Variants in CDH13 observed in about 807,000 individuals in gnomAD.
CDH13 encodes cadherin 13.
A neutral mutation model predicts 63.8 loss-of-function variants in CDH13; 24 were observed. The ratio of observed to expected loss-of-function variants is 0.38; its 90% confidence interval spans 0.27 to 0.53. The LOEUF is 0.53. CDH13 is among the 20% of genes least tolerant of loss of function. The pLI, the probability that CDH13 is intolerant of heterozygous loss-of-function variation, is 0.85. For missense variants in CDH13, 1,049 were observed against 903.1 expected (o/e 1.16, Z -2.07); for synonymous variants, 503 against 355.3 (o/e 1.42, Z -4.67).
rs948753014 is a variant in CDH13 at position 82,676,492 on chromosome 16, T to G, written c.45+49355T>G. Among the ~76,000 whole-genome samples, 21 of 148,564 alleles carry G rather than the reference T, an allele frequency of 1.4e-4. No individual in the cohort carries two copies. In the East Asian group the frequency reaches 4.1e-3, roughly 29 times the overall value. On this transcript the variant is annotated intron_variant, in intron 1 of 13. Transcript: ENST00000567109. ...ATCTGAGCTACCATCATTTCTTTTTTTTTTTTTTTTTTTTTGCCTTGAATA... is the reference window on the plus strand; with the variant it reads ...ATCTGAGCTACCATCATTTCTTTTTGTTTTTTTTTTTTTTTGCCTTGAATA...
At chr16:83,271,204 C>T (rs1277568565) in intron 5 of CDH13, among the ~76,000 whole-genome samples, 1 of 151,758 alleles carries the variant, frequency 6.6e-6, no homozygotes, top group Non-Finnish European at 1.5e-5. Context: ...TCAAAGAAAA[C>T]AGTACAACTG....
chr16:82,765,572 C>T (rs914005821), intron 1 of CDH13, among the ~76,000 whole-genome samples: 9 of 152,046 alleles, frequency 5.9e-5, no homozygotes, highest in South Asian at 2.1e-4. Context: ...ACATTGTGCA[C>T]GGGTATTTAT....
intron 5 of CDH13, among the ~76,000 whole-genome samples, chr16:83,332,365 A>G (rs1346289374): frequency 6.6e-6 from 1 of 152,122 alleles, no homozygotes; most frequent in Non-Finnish European, 1.5e-5. Flanking sequence ...TCATTAGACT[A>G]TACTTTAAAT....
chr16:83,783,505 C>T (rs752050920), intron 13 of CDH13, 33 bp downstream of exon 13: 13 of 1,540,592 alleles, frequency 8.4e-6, no homozygotes, highest in Non-Finnish European at 1.1e-5. Flanking sequence ...CATGCACAAA[C>T]AGGAAATTGT....
chr16:83,175,155 T>C (rs1385709833), intron 4 of CDH13, among the ~76,000 whole-genome samples: 3 of 152,092 alleles, frequency 2.0e-5, no homozygotes, highest in Non-Finnish European at 4.4e-5. Flanking sequence ...TAGAAAGCTC[T>C]CTTGGACAGC....
intron 2 of CDH13, among the ~76,000 whole-genome samples, chr16:82,996,344 C>G (rs576362210): frequency 6.6e-6 from 1 of 152,300 alleles, no homozygotes; most frequent in Admixed American, 6.5e-5. Context: ...TGGAACAACA[C>G]TGAGCTTTAT....
intron 3 of CDH13, among the ~76,000 whole-genome samples, chr16:83,039,852 G>T (rs1244729015): frequency 1.3e-5 from 2 of 152,022 alleles, no homozygotes; most frequent in African/African-American, 4.8e-5. Flanking sequence ...TCCTTCCACT[G>T]AGGTTCCACC....
chr16:83,440,958 T>C (rs1444091169), intron 6 of CDH13, among the ~76,000 whole-genome samples: 1 of 152,118 alleles, frequency 6.6e-6, no homozygotes, highest in East Asian at 1.9e-4. Context: ...CCTCCAACAA[T>C]GTCCCAAATC....
chr16:82,836,769 C>T (rs2038786761), intron 1 of CDH13, among the ~76,000 whole-genome samples: 1 of 151,974 alleles, frequency 6.6e-6, no homozygotes, highest in African/African-American at 2.4e-5. Flanking sequence ...CATACTTCTT[C>T]ATGGCAAGAT....
At chr16:82,998,722 G>A (rs1912525745) in intron 2 of CDH13, among the ~76,000 whole-genome samples, 1 of 152,100 alleles carries the variant, frequency 6.6e-6, no homozygotes, top group Non-Finnish European at 1.5e-5. Flanking sequence ...GATTTAGTAT[G>A]TTCCATATCC....
At chr16:83,587,897 C>T (rs1195523102) in intron 7 of CDH13, among the ~76,000 whole-genome samples, 1 of 152,050 alleles carries the variant, frequency 6.6e-6, no homozygotes, top group African/African-American at 2.4e-5. Context: ...TGGAGCCAGC[C>T]CCCAGCTGGC....
At chr16:82,665,617 A>T (rs370790240) in intron 1 of CDH13, among the ~76,000 whole-genome samples, 56 of 152,114 alleles carry the variant, frequency 3.7e-4, no homozygotes, top group African/African-American at 1.3e-3. Context: ...AGGCGGCTGC[A>T]TGCCTACCTC....
intron 3 of CDH13, among the ~76,000 whole-genome samples, chr16:83,061,665 A>G (rs1286372466): frequency 6.6e-6 from 1 of 152,222 alleles, no homozygotes; most frequent in Non-Finnish European, 1.5e-5. Flanking sequence ...TTTGCACTGC[A>G]TTAAGTGAAA....
chr16:83,087,493 C>A (rs888168315), intron 3 of CDH13, among the ~76,000 whole-genome samples: 2 of 151,926 alleles, frequency 1.3e-5, no homozygotes, highest in South Asian at 2.1e-4. Context: ...CATGTCGAAA[C>A]CCTGTGTCTA....
At chr16:83,245,213 A>T (rs1346654742) in intron 5 of CDH13, among the ~76,000 whole-genome samples, 1 of 152,130 alleles carries the variant, frequency 6.6e-6, no homozygotes, top group Non-Finnish European at 1.5e-5. Context: ...AAATTCCCAG[A>T]CTTATCTGGC....
intron 1 of CDH13, among the ~76,000 whole-genome samples, chr16:82,686,250 C>T (rs1379169242): frequency 6.6e-6 from 1 of 152,184 alleles, no homozygotes; most frequent in Non-Finnish European, 1.5e-5. Context: ...TAAATCAGGA[C>T]TTTCCTGTTG....
At chr16:82,934,373 G>T (rs2042598257) in intron 2 of CDH13, among the ~76,000 whole-genome samples, 1 of 152,194 alleles carries the variant, frequency 6.6e-6, no homozygotes, top group Admixed American at 6.5e-5. Flanking sequence ...AGAGCACTAA[G>T]TCCTTAGGCT....
chr16:83,251,958 A>G (rs1567539805), intron 5 of CDH13, among the ~76,000 whole-genome samples: 1 of 151,950 alleles, frequency 6.6e-6, no homozygotes, highest in African/African-American at 2.4e-5. Context: ...TCTAATCCCT[A>G]CAAAGACCCT....
intron 2 of CDH13, among the ~76,000 whole-genome samples, chr16:83,002,767 G>T (rs2151425140): frequency 6.6e-6 from 1 of 152,102 alleles, no homozygotes; most frequent in East Asian, 1.9e-4. Flanking sequence ...GTGCCGTGTA[G>T]GTATGTGGAG....
Sources: allele counts gnomAD v4.1 joint callset (sites outside exome capture counted in the v4.1 genomes callset), GRCh38; gene constraint gnomAD v4.1.1; transcripts MANE v1.5; gene names NCBI Gene and HGNC (gene_info 2026-07-23, HGNC 2026-07-21).